The following C12orf42 variants were observed in gnomAD, a reference collection of about 807,000 sequenced individuals.
The protein encoded by C12orf42 is chromosome 12 open reading frame 42.
Under a neutral mutation model 21.6 loss-of-function variants are expected in C12orf42, and 25 were observed. The ratio of observed to expected loss-of-function variants is 1.16; its 90% CI spans 0.84 to 1.62. C12orf42 has a LOEUF of 1.62. Among genes scored for constraint, C12orf42 ranks in the 40% most tolerant of loss-of-function variants. The pLI, the probability that C12orf42 is intolerant of heterozygous loss-of-function variation, is 0.00. For synonymous variants in C12orf42, 174 were observed against 175.0 expected, an observed-to-expected ratio of 0.99 and a Z score of 0.05; for missense variants, 483 against 459.3, an observed-to-expected ratio of 1.05 and a Z score of -0.47.
intron 2 of C12orf42, chr12:103,477,802 T>G (rs2374070): frequency 2.0e-5 from 3 of 152,480 alleles, no homozygotes; most frequent in African/African-American, 7.3e-5. Flanking sequence ...GAGCCCTGTT[T>G]CAGACTTCTG....
At chr12:103,365,246 C>T (rs556642167) in intron 4 of C12orf42, among the ~76,000 whole-genome samples, 8 of 152,142 alleles carry the variant, frequency 5.3e-5, no homozygotes, top group South Asian at 2.1e-4. Context: ...TCAGTAGATG[C>T]AGAAAAAGCA....
At chr12:103,359,534 C>T (rs527236802) in intron 4 of C12orf42, among the ~76,000 whole-genome samples, 79 of 151,880 alleles carry the variant, frequency 5.2e-4, no homozygotes, top group African/African-American at 1.7e-3. Context: ...CTAAATGAGA[C>T]GTTTGATTTA....
intron 10 of C12orf42, among the ~76,000 whole-genome samples, chr12:103,238,989 T>C (rs550033477): frequency 6.6e-6 from 1 of 152,290 alleles, no homozygotes; most frequent in South Asian, 2.1e-4. Flanking sequence ...GGCTGGGCCA[T>C]TGGGCTTGCA....
chr12:103,495,192 C>A (rs952518389), intron 1 of C12orf42, among the ~76,000 whole-genome samples: 6 of 147,090 alleles, frequency 4.1e-5, no homozygotes, highest in African/African-American at 1.5e-4. Context: ...AAGCGTTTAT[C>A]TCAATGGAAA....
intron 2 of C12orf42, among the ~76,000 whole-genome samples, chr12:103,463,526 T>TTTCA (rs1952884177): frequency 6.6e-6 from 1 of 152,166 alleles, no homozygotes; most frequent in South Asian, 2.1e-4. Flanking sequence ...ATCAAAAGTG[T>TTTCA]TTCAAAGCCA....
intron 4 of C12orf42, among the ~76,000 whole-genome samples, chr12:103,361,243 C>T (rs1460828421): frequency 6.6e-6 from 1 of 152,044 alleles, no homozygotes; most frequent in Admixed American, 6.6e-5. Context: ...TATCTGCCCC[C>T]GAACACACAC....
Position 103,274,079 on chromosome 12 carries a change from C to T in C12orf42, n.398+3071G>A, listed in dbSNP as rs561252943. ...CTAAGGGCTTATTCAGGGACAGAAA[C>T]CCCTCTAAGTGCTTTATTATGTACT... On this transcript the variant is annotated intron_variant and non_coding_transcript_variant, in intron 5 of 6. Coordinates refer to the C12orf42 transcript ENST00000546526. Among the ~76,000 whole-genome samples the T allele has an allele frequency of 2.3e-4, 35 of 152,280 alleles. 2 individuals are homozygous for T. The highest frequency in any genetic ancestry group is 8.5e-4 in the Admixed American group (13 of 15,296).
intron 4 of C12orf42, among the ~76,000 whole-genome samples, chr12:103,320,464 A>G (rs2136843626): frequency 6.6e-6 from 1 of 152,348 alleles, no homozygotes; most frequent in East Asian, 1.9e-4. Flanking sequence ...CTGTTGATAC[A>G]GTTAGTAAAA....
the C12orf42 span, among the ~76,000 whole-genome samples, chr12:103,541,574 G>T: frequency 6.6e-6 from 1 of 152,058 alleles, no homozygotes; most frequent in Non-Finnish European, 1.5e-5. Context: ...CATAATACTT[G>T]ATCATGTTAA....
At chr12:103,181,303 G>GA in the C12orf42 span, among the ~76,000 whole-genome samples, 1 of 151,754 alleles carries the variant, frequency 6.6e-6, no homozygotes, top group Non-Finnish European at 1.5e-5. Context: ...AATAAAAAAT[G>GA]AAAAAAATTC....
At chr12:103,084,489 A>G in the C12orf42 span, among the ~76,000 whole-genome samples, 5 of 152,084 alleles carry the variant, frequency 3.3e-5, no homozygotes, top group African/African-American at 1.2e-4. Flanking sequence ...GCTGCACCCA[A>G]ATCTCTGTGC....
chr12:103,270,532 A>AT (rs916391303), intron 5 of C12orf42, among the ~76,000 whole-genome samples: 2 of 149,256 alleles, frequency 1.3e-5, no homozygotes, highest in Non-Finnish European at 3.0e-5. Flanking sequence ...TTTTATTTTT[A>AT]TTTTTTTAAG....
At chr12:103,216,561 G>T in the C12orf42 span, among the ~76,000 whole-genome samples, 2 of 151,750 alleles carry the variant, frequency 1.3e-5, no homozygotes, top group South Asian at 2.1e-4. Flanking sequence ...TATTTTTTTA[G>T]TAGAGATGGG....
the C12orf42 span, among the ~76,000 whole-genome samples, chr12:103,110,244 A>G: frequency 6.6e-6 from 1 of 152,252 alleles, no homozygotes; most frequent in Non-Finnish European, 1.5e-5. Flanking sequence ...TATAAGTATC[A>G]ACATGGTGAA....
chr12:103,079,572 G>A, the C12orf42 span, among the ~76,000 whole-genome samples: 1 of 152,194 alleles, frequency 6.6e-6, no homozygotes, highest in Non-Finnish European at 1.5e-5. Flanking sequence ...CTGTCCAGTG[G>A]CTGAGTCATC....
the C12orf42 span, among the ~76,000 whole-genome samples, chr12:103,049,027 A>T: frequency 6.6e-6 from 1 of 152,002 alleles, no homozygotes; most frequent in Non-Finnish European, 1.5e-5. Context: ...TGCACCTCTA[A>T]CTCATTCTCC....
the C12orf42 span, among the ~76,000 whole-genome samples, chr12:103,083,203 A>C: frequency 3.3e-5 from 5 of 152,292 alleles, no homozygotes; most frequent in Non-Finnish European, 1.5e-5. Context: ...CGTCTCTACA[A>C]AAATACAAAA....
intron 2 of C12orf42, among the ~76,000 whole-genome samples, chr12:103,439,207 G>T (rs1255634212): frequency 2.6e-5 from 4 of 151,330 alleles, no homozygotes; most frequent in Non-Finnish European, 4.4e-5. Flanking sequence ...CTAGCCATAT[G>T]TAGAAAGCTG....
chr12:103,513,690 C>A, the C12orf42 span, among the ~76,000 whole-genome samples: 1 of 152,178 alleles, frequency 6.6e-6, no homozygotes, highest in East Asian at 1.9e-4. Flanking sequence ...TCAGGCCCCA[C>A]TTGAACTAGA....
Sources: allele counts gnomAD v4.1 joint callset (sites outside exome capture counted in the v4.1 genomes callset), GRCh38; gene constraint gnomAD v4.1.1; transcripts MANE v1.5; gene names NCBI Gene and HGNC (gene_info 2026-07-23, HGNC 2026-07-21).